MGAT4C: variants seen among roughly 807,000 people sequenced by gnomAD.
The protein encoded by MGAT4C is MGAT4 family member C.
MGAT4C carries 19 observed loss-of-function variants against 40.1 expected under a neutral mutation model. The ratio of observed to expected loss-of-function variants is 0.47; its 90% CI spans 0.33 to 0.70. The LOEUF is 0.70. Among genes scored for constraint, MGAT4C ranks in the 30% least tolerant of loss-of-function variants. The probability of loss-of-function intolerance (pLI) is 0.02; values close to 1 mark genes in which losing one functional copy is unlikely to be tolerated. For synonymous variants in MGAT4C, 181 were observed against 187.1 expected (o/e 0.97, Z 0.27); for missense variants, 491 against 563.2 (o/e 0.87, Z 1.30).
Position 86,525,812 on chromosome 12 carries a change from A to G in MGAT4C, c.-228-90547T>C, listed in dbSNP as rs190848548. ...ATCATTGAGGTTAGGAATCCACTGC[A>G]CTGTTGGAAGGTTTGGGACTGAGAG... is the stretch of plus-strand genomic sequence containing the variant. On this transcript the variant is annotated intron_variant, in intron 2 of 7. Coordinates refer to the MGAT4C transcript ENST00000548651. Among the ~76,000 whole-genome samples the G allele has an allele frequency of 9.0e-4, 137 of 152,202 alleles. 1 individual carries two copies. Among genetic ancestry groups the G allele is most frequent in the African/African-American group, 3.2e-3 (131 of 41,534 alleles).
At chr12:86,206,751 T>C (rs571610602) in intron 1 of MGAT4C, among the ~76,000 whole-genome samples, 38 of 152,288 alleles carry the variant, frequency 2.5e-4, no homozygotes, top group African/African-American at 8.9e-4. Context: ...GTGAAAGGTA[T>C]GAGGTATTCA....
chr12:86,521,435 G>T (rs1958793309), intron 2 of MGAT4C, among the ~76,000 whole-genome samples: 1 of 152,042 alleles, frequency 6.6e-6, no homozygotes. Context: ...CTATATGTCT[G>T]TTTTTGTAGC....
At chr12:86,574,511 T>C (rs1016016956) in intron 2 of MGAT4C, among the ~76,000 whole-genome samples, 2 of 151,782 alleles carry the variant, frequency 1.3e-5, no homozygotes, top group African/African-American at 4.8e-5. Flanking sequence ...GTTTTAGTCA[T>C]TATATTTGGA....
At chr12:86,629,276 A>G (rs1962939258) in intron 2 of MGAT4C, among the ~76,000 whole-genome samples, 1 of 152,158 alleles carries the variant, frequency 6.6e-6, no homozygotes, top group Non-Finnish European at 1.5e-5. Context: ...ACCTGCAAAG[A>G]GACTTAGACT....
At chr12:86,809,793 T>C (rs1273807157) in intron 1 of MGAT4C, among the ~76,000 whole-genome samples, 1 of 152,058 alleles carries the variant, frequency 6.6e-6, no homozygotes, top group East Asian at 1.9e-4. Flanking sequence ...GTTTGGCAAA[T>C]ATTTTTGCTT....
chr12:86,290,349 T>C (rs556714439), intron 4 of MGAT4C, among the ~76,000 whole-genome samples: 2 of 152,284 alleles, frequency 1.3e-5, no homozygotes, highest in Non-Finnish European at 2.9e-5. Context: ...TAACTCACTT[T>C]TTAGATAAAA....
intron 3 of MGAT4C, among the ~76,000 whole-genome samples, chr12:86,428,426 G>A (rs1375924069): frequency 2.6e-5 from 4 of 152,158 alleles, no homozygotes; most frequent in African/African-American, 9.7e-5. Context: ...CTACAGGCAT[G>A]TGCCACCATG....
At chr12:86,169,370 G>A (rs1357529765) in intron 1 of MGAT4C, among the ~76,000 whole-genome samples, 1 of 151,952 alleles carries the variant, frequency 6.6e-6, no homozygotes, top group Non-Finnish European at 1.5e-5. Context: ...ACTTGCATTT[G>A]TCTGAACCAT....
At chr12:86,646,350 A>G (rs1199224970) in intron 2 of MGAT4C, among the ~76,000 whole-genome samples, 1 of 151,910 alleles carries the variant, frequency 6.6e-6, no homozygotes, top group African/African-American at 2.4e-5. Flanking sequence ...TATTCATTGA[A>G]CATATACTGT....
intron 2 of MGAT4C, among the ~76,000 whole-genome samples, chr12:86,603,403 ATATAT>A (rs1961865656): frequency 7.9e-6 from 1 of 126,672 alleles, no homozygotes. Flanking sequence ...AATATATATT[ATATAT>A]TAGTATATAT....
At chr12:86,211,955 G>A (rs540608583) in intron 1 of MGAT4C, among the ~76,000 whole-genome samples, 3 of 152,130 alleles carry the variant, frequency 2.0e-5, no homozygotes, top group Non-Finnish European at 2.9e-5. Flanking sequence ...CTGCTGGACA[G>A]CTTAGGAGTT....
chr12:86,403,565 A>G (rs1956410133), intron 3 of MGAT4C, among the ~76,000 whole-genome samples: 1 of 152,084 alleles, frequency 6.6e-6, no homozygotes, highest in Non-Finnish European at 1.5e-5. Context: ...TTTTTTCTGA[A>G]TTTTTACATT....
chr12:86,631,389 A>T (rs1385159132), intron 2 of MGAT4C, among the ~76,000 whole-genome samples: 1 of 152,054 alleles, frequency 6.6e-6, no homozygotes, highest in East Asian at 1.9e-4. Context: ...TTCTTCACAG[A>T]ATTAGAAAAA....
At chr12:86,127,946 A>T (rs1173182327) in intron 1 of MGAT4C, among the ~76,000 whole-genome samples, 2 of 152,236 alleles carry the variant, frequency 1.3e-5, no homozygotes, top group Non-Finnish European at 2.9e-5. Flanking sequence ...AAAAATAAGT[A>T]GTACACTCTA....
intron 1 of MGAT4C, among the ~76,000 whole-genome samples, chr12:86,248,364 C>A (rs1179331159): frequency 6.6e-6 from 1 of 151,976 alleles, no homozygotes; most frequent in Non-Finnish European, 1.5e-5. Flanking sequence ...AAAATACCCT[C>A]TATGATTTGT....
At chr12:86,741,878 C>T (rs1388192456) in intron 1 of MGAT4C, among the ~76,000 whole-genome samples, 1 of 151,338 alleles carries the variant, frequency 6.6e-6, no homozygotes, top group Non-Finnish European at 1.5e-5. Flanking sequence ...TTAACTCCTC[C>T]ATAGTTTTAG....
chr12:86,264,854 C>T (rs78795575), intron 4 of MGAT4C, among the ~76,000 whole-genome samples: 1 of 152,182 alleles, frequency 6.6e-6, no homozygotes, highest in African/African-American at 2.4e-5. Flanking sequence ...CAAACCCAGT[C>T]GGCTGTGCCC....
intron 1 of MGAT4C, among the ~76,000 whole-genome samples, chr12:86,158,398 T>C (rs1237580087): frequency 6.6e-6 from 1 of 152,144 alleles, no homozygotes; most frequent in Non-Finnish European, 1.5e-5. Flanking sequence ...CAAATCAAGG[T>C]TGGAATTTGG....
At chr12:86,741,587 A>G (rs1464759645) in intron 1 of MGAT4C, among the ~76,000 whole-genome samples, 1 of 151,412 alleles carries the variant, frequency 6.6e-6, no homozygotes, top group East Asian at 1.9e-4. Flanking sequence ...ATAATTGTCA[A>G]GAAGCAAAAT....
Sources: gnomAD v4.1 joint callset for allele counts (sites outside exome capture counted in the v4.1 genomes callset) on GRCh38, gnomAD v4.1.1 for gene constraint, MANE v1.5 for transcripts, NCBI Gene and HGNC (gene_info 2026-07-23, HGNC 2026-07-21) for gene names.